The following ARHGAP44 variants were observed in gnomAD, a reference collection of about 807,000 sequenced individuals.
ARHGAP44 encodes the protein rho GTPase-activating protein 44.
ARHGAP44 carries 43 observed loss-of-function variants against 106.8 expected under a neutral mutation model. That is an observed-to-expected ratio of 0.40 (90% CI 0.32 to 0.52). The LOEUF (loss-of-function observed/expected upper bound fraction) is 0.52. ARHGAP44 is among the 20% of genes least tolerant of loss of function. The pLI is 0.48. For synonymous variants in ARHGAP44, 439 were observed against 410.3 expected (o/e 1.07, Z -0.85); for missense variants, 866 against 1,050.5 (o/e 0.82, Z 2.43).
intron 1 of ARHGAP44, among the ~76,000 whole-genome samples, chr17:12,841,146 T>A (rs1454027607): frequency 6.6e-6 from 1 of 152,184 alleles, no homozygotes; most frequent in Non-Finnish European, 1.5e-5. Context: ...AAGGCGCCTT[T>A]TCCAGTTTGC....
At chr17:12,892,027 T>C (rs2150914222) in intron 1 of ARHGAP44, among the ~76,000 whole-genome samples, 1 of 152,288 alleles carries the variant, frequency 6.6e-6, no homozygotes, top group South Asian at 2.1e-4. Context: ...TGACTGCAGG[T>C]GATCCACCCG....
At chr17:12,882,622 A>T (rs952247574) in intron 1 of ARHGAP44, among the ~76,000 whole-genome samples, 3 of 151,970 alleles carry the variant, frequency 2.0e-5, no homozygotes, top group Non-Finnish European at 4.4e-5. Context: ...TAAGTTAGGG[A>T]TTTTCCCTGT....
At chr17:12,895,067 G>A in intron 2 of ARHGAP44, 88 bp downstream of exon 2, 1 of 1,301,558 alleles carries the variant, frequency 7.7e-7, no homozygotes. Flanking sequence ...GGAGGTGGAG[G>A]TTGTAGTTAG....
chr17:12,983,846 GA>G (rs1363987913), intron 19 of ARHGAP44, among the ~76,000 whole-genome samples: 3 of 152,046 alleles, frequency 2.0e-5, no homozygotes, highest in African/African-American at 7.2e-5. Flanking sequence ...GAAAAACAAC[GA>G]AAAATGCAGT....
chr17:12,930,893 G>A (rs2038379188), intron 7 of ARHGAP44, among the ~76,000 whole-genome samples: 1 of 152,098 alleles, frequency 6.6e-6, no homozygotes, highest in Non-Finnish European at 1.5e-5. Context: ...ACCAATATTT[G>A]TTAAGACTTC....
chr17:12,855,957 A>G (rs2035897672), intron 1 of ARHGAP44, among the ~76,000 whole-genome samples: 1 of 152,248 alleles, frequency 6.6e-6, no homozygotes, highest in South Asian at 2.1e-4. Flanking sequence ...GCAAAAGGCA[A>G]AACAACACAA....
At chr17:12,825,363 A>G (rs1567633464) in intron 1 of ARHGAP44, among the ~76,000 whole-genome samples, 1 of 151,946 alleles carries the variant, frequency 6.6e-6, no homozygotes, top group Non-Finnish European at 1.5e-5. Context: ...TTAAAATGAC[A>G]TGAGGGACTG....
chr17:12,881,950 C>T (rs1243983293), intron 1 of ARHGAP44, among the ~76,000 whole-genome samples: 1 of 152,190 alleles, frequency 6.6e-6, no homozygotes, highest in Non-Finnish European at 1.5e-5. Flanking sequence ...ATCCTCCTGC[C>T]TCAGCCTCCC....
At chr17:12,872,904 T>A (rs1237177660) in intron 1 of ARHGAP44, among the ~76,000 whole-genome samples, 1 of 152,222 alleles carries the variant, frequency 6.6e-6, no homozygotes, top group Non-Finnish European at 1.5e-5. Flanking sequence ...TTAGTAAGTT[T>A]TCTCTGTGCT....
At chr17:12,973,431 C>A in intron 17 of ARHGAP44, 112 bp downstream of exon 17, 1 of 1,144,176 alleles carries the variant, frequency 8.7e-7, no homozygotes, top group Admixed American at 2.2e-5. Context: ...GGTTGCTTGG[C>A]CGACTTATTT....
At chr17:12,984,087 A>G (rs1045766236) in intron 19 of ARHGAP44, among the ~76,000 whole-genome samples, 1 of 152,212 alleles carries the variant, frequency 6.6e-6, no homozygotes, top group African/African-American at 2.4e-5. Flanking sequence ...CCCCTGTGTC[A>G]GGGCTCCTCT....
intron 1 of ARHGAP44, among the ~76,000 whole-genome samples, chr17:12,845,046 A>G (rs933640925): frequency 2.0e-5 from 3 of 152,154 alleles, no homozygotes; most frequent in Non-Finnish European, 4.4e-5. Flanking sequence ...CCTCTGTTCA[A>G]TTCTGAATCT....
At chr17:12,877,811 A>G (rs977033991) in intron 1 of ARHGAP44, among the ~76,000 whole-genome samples, 1 of 152,230 alleles carries the variant, frequency 6.6e-6, no homozygotes, top group Non-Finnish European at 1.5e-5. Flanking sequence ...AAAAAATAAA[A>G]AGACTGTCTC....
chr17:12,820,678 T>G (rs1351695968), intron 1 of ARHGAP44, among the ~76,000 whole-genome samples: 2 of 152,052 alleles, frequency 1.3e-5, no homozygotes, highest in Non-Finnish European at 2.9e-5. Context: ...GGCCCTACAG[T>G]GTGTTGAATC....
intron 16 of ARHGAP44, among the ~76,000 whole-genome samples, chr17:12,971,855 G>A (rs1598142548): frequency 1.3e-5 from 2 of 152,124 alleles, no homozygotes; most frequent in Admixed American, 6.5e-5. Flanking sequence ...CTCTGGTGAT[G>A]GAAGGAAGGG....
chr17:12,954,982 A>G (rs965588216), intron 13 of ARHGAP44, among the ~76,000 whole-genome samples: 1 of 152,158 alleles, frequency 6.6e-6, no homozygotes, highest in Non-Finnish European at 1.5e-5. Flanking sequence ...CCTTACCCCA[A>G]AAAAGAAATC....
intron 7 of ARHGAP44, among the ~76,000 whole-genome samples, chr17:12,938,658 G>A (rs1248615969): frequency 6.6e-6 from 1 of 151,176 alleles, no homozygotes; most frequent in East Asian, 1.9e-4. Flanking sequence ...TTTTCTGAGT[G>A]TGGATTAGTT....
intron 1 of ARHGAP44, among the ~76,000 whole-genome samples, chr17:12,817,592 T>C (rs1420925171): frequency 1.3e-5 from 2 of 151,958 alleles, no homozygotes; most frequent in South Asian, 2.1e-4. Flanking sequence ...CAAAAGCTGA[T>C]GTTTTGAAAA....
intron 1 of ARHGAP44, among the ~76,000 whole-genome samples, chr17:12,879,733 TACAC>T (rs757560105): frequency 4.0e-5 from 6 of 148,368 alleles, no homozygotes; most frequent in African/African-American, 7.4e-5. Context: ...TATATATATA[TACAC>T]ACACACACAC....
Sources: allele counts gnomAD v4.1 joint callset (sites outside exome capture counted in the v4.1 genomes callset), GRCh38; gene constraint gnomAD v4.1.1; transcripts MANE v1.5; gene names NCBI Gene and HGNC (gene_info 2026-07-23, HGNC 2026-07-21).